The following IGSF8 variants were observed in gnomAD, a reference collection of about 807,000 sequenced individuals.
IGSF8 encodes immunoglobulin superfamily member 8.
In IGSF8, 46 loss-of-function variants were observed where a neutral mutation model predicts 55.5. The observed-to-expected ratio is 0.83, with a 90% CI of 0.65 to 1.06. The LOEUF (loss-of-function observed/expected upper bound fraction) is 1.06. Among genes scored for constraint, IGSF8 ranks in the 50% least tolerant of loss-of-function variants. The pLI is 0.00. For synonymous variants in IGSF8, 314 were observed against 356.1 expected (o/e 0.88, Z 1.33); for missense variants, 731 against 832.3 (o/e 0.88, Z 1.50).
chr1:160,092,550 G>A lies in IGSF8; in HGVS notation c.1458C>T (p.Asp486=), dbSNP rs41265757. Residue 486 remains aspartate (D), a synonymous_variant, in exon 5 of 7, where the codon GAC becomes GAT. Coordinates refer to ENST00000314485, the MANE Select transcript of IGSF8 (RefSeq NM_052868.6). The stretch of plus-strand genomic sequence containing the variant: ...GGGCAGGGACAGAGCTGAGCTCTCC[G>A]TCCTCTGGTCGCTCCACCCACCAGC... ...AASWWVERPE[D]GELSSVPAQL... The A allele has an allele frequency of 0.13, 202,750 of 1,611,002 alleles. 14,016 individuals are homozygous for A. The highest frequency in any genetic ancestry group is 0.2 in the Admixed American group (11,984 of 59,836).
intron 1 of IGSF8, 59 bp from the exon 2 acceptor site, chr1:160,095,305 C>G: frequency 6.7e-7 from 1 of 1,501,662 alleles, no homozygotes. Flanking sequence ...TGCCCTCTGC[C>G]GCCACAAGCA....
rs543082419 is a variant in IGSF8 at position 160,098,441 on chromosome 1, G to C, written c.32C>G (p.Pro11Arg). MGALRPTLLP[P>R]SLPLLLLLML... is the part of the protein sequence containing the mutation. Reference sequence around the variant, plus strand: ...TAGCAGCAGCAGCAGCGGCAGCGAAGGCGGCAGCAGCGTGGGCCTGAGGGC... The same window carrying C: ...TAGCAGCAGCAGCAGCGGCAGCGAACGCGGCAGCAGCGTGGGCCTGAGGGC... Residue 11 changes from proline (P) to arginine (R), a missense_variant, in exon 1 of 7, where the codon CCT (proline) becomes CGT (arginine). Coordinates refer to ENST00000314485, the MANE Select transcript of IGSF8 (RefSeq NM_052868.6). 46 of 1,547,098 alleles carry C rather than the reference G, an allele frequency of 3.0e-5. No individual in the cohort carries two copies. The African/African-American group carries it at 5.6e-4, about 19-fold the overall frequency.
intron 1 of IGSF8, among the ~76,000 whole-genome samples, chr1:160,096,038 T>C (rs946313094): frequency 1.3e-5 from 2 of 152,186 alleles, no homozygotes; most frequent in African/African-American, 4.8e-5. Context: ...TTCATTTACA[T>C]ATATGGCTCT....
At chr1:160,092,747 G>A (rs1650075894) in intron 4 of IGSF8, 52 bp from the exon 5 acceptor site, 2 of 1,571,036 alleles carry the variant, frequency 1.3e-6, no homozygotes, top group Admixed American at 1.7e-5. Context: ...GGAGCATGGG[G>A]TTAGGGCTGC....
intron 5 of IGSF8, 114 bp from the exon 6 acceptor site, chr1:160,092,052 C>T (rs1016106307): frequency 4.8e-6 from 4 of 838,474 alleles, no homozygotes; most frequent in Non-Finnish European, 5.9e-6. Context: ...TTCACAGACA[C>T]CCCCATCCCT....
At chr1:160,095,274 G>A in intron 1 of IGSF8, 28 bp from the exon 2 acceptor site, 1 of 1,580,256 alleles carries the variant, frequency 6.3e-7, no homozygotes. Context: ...AGGAGTTGGA[G>A]ATGCCTGGTT....
In IGSF8 at chr1:160,092,928, C is replaced by T; in HGVS notation, c.1308G>A (p.Glu436=). 1.3e-6 allele frequency: 2 copies of T among 1,593,282 alleles called. No individual in the cohort carries two copies. Among genetic ancestry groups the T allele is most frequent in the Non-Finnish European group, 1.7e-6 (2 of 1,163,676 alleles). Residue 436 remains glutamate, a synonymous_variant, in exon 4 of 7, where the codon GAG becomes GAA. Coordinates refer to ENST00000314485, the MANE Select transcript of IGSF8 (RefSeq NM_052868.6). ...CAGGGCCCAGCCCCCTCTCACCTTC[C>T]TCCCGCACATGTACAGGGAGAGGCC... is the stretch of plus-strand genomic sequence containing the variant. The part of the protein sequence containing the change: ...RSRPLPVHVR[E]EGVVLEAVAW...
rs536936060 is a variant in IGSF8 at position 160,093,390 on chromosome 1, G to A, written c.905-59C>T. 2.8e-5 allele frequency: 41 copies of A among 1,486,430 alleles called. 1 individual carries two copies. The South Asian group carries it at 4.8e-4, about 17-fold the overall frequency. The allele number at this position is 1,486,430 out of a possible 1,614,324, so 92.1% of individuals were successfully genotyped here. A position where few individuals can be genotyped will look rare whatever the true frequency, so the allele number is the denominator to read the frequency against. ...GGCAGGAGGGGACACAGAGGCACCC[G>A]ATTCCCCAACTTCCTGTTTCCTACT... On this transcript the variant is annotated intron_variant, in intron 3 of 6. Transcript: ENST00000314485.
At chr1:160,097,764 G>A in intron 1 of IGSF8, 1 of 985,446 alleles carries the variant, frequency 1.0e-6, no homozygotes, top group Non-Finnish European at 1.2e-6. Flanking sequence ...CATGGAACCT[G>A]GTTTCTCCTG....
At chr1:160,091,760 G>A in intron 6 of IGSF8, 48 bp downstream of exon 6, 2 of 1,207,256 alleles carry the variant, frequency 1.7e-6, no homozygotes, top group African/African-American at 1.5e-5. Context: ...CAGGACTTGG[G>A]GGTGGGAAGC....
chr1:160,094,137 G>A lies in IGSF8; in HGVS notation c.477C>T (p.Pro159=), dbSNP rs781527270. 9 of 1,604,412 alleles carry A rather than the reference G, an allele frequency of 5.6e-6. No homozygotes were observed. The highest frequency in any genetic ancestry group is 7.6e-6 in the Non-Finnish European group (9 of 1,179,292). Reference sequence around the variant, plus strand: ...GGGCCTGGCGGCCTCGGGGCCCTGGGGGGGCAGCAGACACCTGGAGGACAT... The same window carrying A: ...GGGCCTGGCGGCCTCGGGGCCCTGGAGGGGCAGCAGACACCTGGAGGACAT... The part of the protein sequence containing the change: ...LPDVLQVSAA[P]PGPRGRQAPT... Residue 159 remains proline, a synonymous_variant, in exon 3 of 7, where the codon CCC becomes CCT. Coordinates refer to ENST00000314485, the MANE Select transcript of IGSF8 (RefSeq NM_052868.6). This position sits in a 1 kb window ranked among gnomAD's most constrained non-coding sequence, Gnocchi z 4.0.
rs999120325 is a variant in IGSF8, at chr1:160,094,247, T to C, written c.443-76A>G. ...TACTGTTTCCTGTGTATAGCCTATC[T>C]CCCTAAATAAACTGTGAGCTCCCAG... On this transcript the variant is annotated intron_variant, in intron 2 of 6. Coordinates refer to ENST00000314485, the MANE Select transcript of IGSF8 (RefSeq NM_052868.6). The surrounding 1 kb of genome is among the most constrained non-coding windows in gnomAD (Gnocchi z 4.0). 1.1e-5 allele frequency: 10 copies of C among 909,546 alleles called. No individual in the cohort carries two copies. The African/African-American group carries it at 1.3e-4, about 12-fold the overall frequency. The allele number at this position is 909,546 out of a possible 1,614,324, so 56.3% of individuals were successfully genotyped here.
chr1:160,097,425 C>A (rs1001953466), intron 1 of IGSF8, among the ~76,000 whole-genome samples: 9 of 152,188 alleles, frequency 5.9e-5, no homozygotes, highest in Non-Finnish European at 8.8e-5. Context: ...TGCTTGGTGC[C>A]ACTGTGGAGC....
chr1:160,098,388 C>A (rs754502186), intron 1 of IGSF8, 21 bp downstream of exon 1: 18 of 1,551,096 alleles, frequency 1.2e-5, no homozygotes, highest in East Asian at 2.4e-5. Context: ...GGCCGGGAAC[C>A]GGAACGGGGG....
At chr1:160,091,704 TGCC>T in intron 6 of IGSF8, 96 bp from the exon 7 acceptor site, 2 of 750,680 alleles carry the variant, frequency 2.7e-6, no homozygotes, top group South Asian at 3.1e-5. Flanking sequence ...GGATCTGAGC[TGCC>T]TACTCCTCCT....
chr1:160,094,086 C>T lies in IGSF8; in HGVS notation c.528G>A (p.Val176=). The change falls in exon 3 of 7, where the codon GTG becomes GTA. Residue 176 remains valine, a synonymous_variant. Transcript: ENST00000314485. The surrounding 1 kb of genome is among the most constrained non-coding windows in gnomAD (Gnocchi z 4.0). ...QAPTSPPRMT[V]HEGQELALGC... is the part of the protein sequence containing the mutation. ...CCAGTGCCAGCTCCTGCCCCTCATG[C>T]ACCGTCATGCGTGGGGGTGAGGTTG... The T allele has an allele frequency of 6.2e-7, 1 of 1,612,498 alleles. No homozygotes were observed. The highest frequency in any genetic ancestry group is 8.5e-7 in the Non-Finnish European group (1 of 1,180,028).
rs1650026303 is a variant in IGSF8, at chr1:160,092,339, A to G, written c.1669T>C (p.Trp557Arg). The G allele has an allele frequency of 6.2e-7, 1 of 1,614,042 alleles. No individual in the cohort carries two copies. The highest frequency in any genetic ancestry group is 8.5e-7 in the Non-Finnish European group (1 of 1,179,910). ...GAGCGGGCACTGCCCGCCTGGTACC[A>G]GCTGTAGTCGGCATGCTGCACCCAG... The part of the protein sequence containing the change: ...SAWVQHADYS[W>R]YQAGSARSGP... Residue 557 changes from tryptophan (W) to arginine (R), a missense_variant, in exon 5 of 7, where the codon TGG becomes CGG. Transcript: ENST00000314485.
intron 4 of IGSF8, 26 bp from the exon 5 acceptor site, chr1:160,092,721 G>C (rs1479642409): frequency 6.3e-6 from 10 of 1,597,334 alleles, no homozygotes; most frequent in South Asian, 5.5e-5. Context: ...CATGGGGTCA[G>C]AGGGTGCAGG....
intron 1 of IGSF8, 36 bp from the exon 2 acceptor site, chr1:160,095,282 G>A (rs753993597): frequency 2.5e-6 from 4 of 1,569,644 alleles, no homozygotes; most frequent in Admixed American, 3.5e-5. Context: ...GAGATGCCTG[G>A]TTCCTCATTC....
Sources: gnomAD v4.1 joint callset for allele counts (sites outside exome capture counted in the v4.1 genomes callset) on GRCh38, gnomAD v4.1.1 for gene constraint, Gnocchi (gnomAD v3.1) non-coding constraint, MANE v1.5 for transcripts, NCBI Gene and HGNC (gene_info 2026-07-23, HGNC 2026-07-21) for gene names.